DSCAM: variants seen among roughly 807,000 people sequenced by gnomAD.
DSCAM encodes cell adhesion molecule DSCAM.
In DSCAM, 47 loss-of-function variants were observed where a neutral mutation model predicts 217.7. The observed-to-expected ratio is 0.22, with a 90% CI of 0.17 to 0.28. The LOEUF (loss-of-function observed/expected upper bound fraction) is 0.28, where lower values mean the gene tolerates loss of function less well. Ranked by LOEUF, DSCAM falls within the 10% of genes least tolerant of loss-of-function variation. The pLI, the probability that DSCAM is intolerant of heterozygous loss-of-function variation, is 1.00. For synonymous variants in DSCAM, 1,056 were observed against 1,015.3 expected (o/e 1.04, Z -0.76); for missense variants, 2,080 against 2,618.3 (o/e 0.79, Z 4.49).
At chr21:40,053,382 G>A (rs1164612798) in intron 29 of DSCAM, among the ~76,000 whole-genome samples, 4 of 152,218 alleles carry the variant, frequency 2.6e-5, no homozygotes, top group African/African-American at 4.8e-5. Flanking sequence ...CACAGAGACA[G>A]CTTCCTACAA....
intron 3 of DSCAM, among the ~76,000 whole-genome samples, chr21:40,413,727 C>A (rs1016688330): frequency 6.6e-6 from 1 of 152,116 alleles, no homozygotes; most frequent in Non-Finnish European, 1.5e-5. Context: ...GTTACCTAAT[C>A]AAGACAGTAT....
At chr21:40,620,428 GA>G (rs1368698423) in intron 3 of DSCAM, among the ~76,000 whole-genome samples, 2 of 141,340 alleles carry the variant, frequency 1.4e-5, no homozygotes, top group Admixed American at 7.1e-5. Context: ...AGAGAAGAGG[GA>G]GGGGGAAGGG....
chr21:40,127,351 G>A (rs529069200), intron 19 of DSCAM, among the ~76,000 whole-genome samples: 5 of 152,248 alleles, frequency 3.3e-5, no homozygotes, highest in Non-Finnish European at 4.4e-5. Context: ...AGTAAAAAAC[G>A]GTATATGTCT....
intron 1 of DSCAM, among the ~76,000 whole-genome samples, chr21:40,718,616 G>T (rs2090868692): frequency 6.6e-6 from 1 of 151,954 alleles, no homozygotes; most frequent in Admixed American, 6.6e-5. Context: ...ACCTCCCACT[G>T]GGTCCCTCCC....
At chr21:40,793,976 G>A (rs910750467) in intron 1 of DSCAM, among the ~76,000 whole-genome samples, 5 of 152,040 alleles carry the variant, frequency 3.3e-5, no homozygotes, top group African/African-American at 4.8e-5. Context: ...AGTATTTTGC[G>A]TTTCTGATTT....
At chr21:40,232,793 G>A (rs1019902598) in intron 11 of DSCAM, among the ~76,000 whole-genome samples, 11 of 152,162 alleles carry the variant, frequency 7.2e-5, no homozygotes, top group African/African-American at 2.6e-4. Flanking sequence ...GTGATACTAA[G>A]CAGGACTTTT....
intron 1 of DSCAM, among the ~76,000 whole-genome samples, chr21:40,782,935 G>A (rs534639919): frequency 1.1e-4 from 17 of 152,320 alleles, no homozygotes; most frequent in Admixed American, 9.8e-4. Flanking sequence ...CCCTGAGGCG[G>A]ATCACATAGG....
chr21:40,170,407 G>A (rs2090644083), intron 15 of DSCAM, among the ~76,000 whole-genome samples: 2 of 152,248 alleles, frequency 1.3e-5, no homozygotes, highest in Non-Finnish European at 2.9e-5. Flanking sequence ...TGCTGAGCAT[G>A]CATCCCTCTC....
At chr21:40,312,643 G>A (rs918188670) in intron 8 of DSCAM, among the ~76,000 whole-genome samples, 6 of 152,176 alleles carry the variant, frequency 3.9e-5, no homozygotes, top group Admixed American at 3.3e-4. Flanking sequence ...TATCTGTAGT[G>A]TAAATAGTGT....
intron 3 of DSCAM, among the ~76,000 whole-genome samples, chr21:40,464,077 T>A (rs1293605473): frequency 6.6e-6 from 1 of 152,178 alleles, no homozygotes. Context: ...GGTAACCATA[T>A]CCATTTTCAT....
intron 20 of DSCAM, among the ~76,000 whole-genome samples, chr21:40,108,986 T>C (rs953060126): frequency 2.0e-5 from 3 of 152,174 alleles, no homozygotes; most frequent in East Asian, 3.9e-4. Context: ...TTACACGATA[T>C]ACAAAAATCA....
At chr21:40,745,454 C>T (rs1205818708) in intron 1 of DSCAM, among the ~76,000 whole-genome samples, 1 of 152,152 alleles carries the variant, frequency 6.6e-6, no homozygotes, top group Non-Finnish European at 1.5e-5. Flanking sequence ...CAAGTTTCAG[C>T]AGATTTCTCA....
intron 11 of DSCAM, among the ~76,000 whole-genome samples, chr21:40,227,420 C>A (rs898938232): frequency 4.6e-5 from 7 of 152,172 alleles, no homozygotes; most frequent in Non-Finnish European, 8.8e-5. Context: ...ATTTTTGTGG[C>A]CTGTCACAAG....
At chr21:40,266,391 C>T (rs1276478654) in intron 11 of DSCAM, among the ~76,000 whole-genome samples, 1 of 152,024 alleles carries the variant, frequency 6.6e-6, no homozygotes, top group Non-Finnish European at 1.5e-5. Flanking sequence ...AACACTTACA[C>T]ACTGCTGGTG....
intron 27 of DSCAM, among the ~76,000 whole-genome samples, chr21:40,071,230 C>T (rs1166697602): frequency 6.6e-6 from 1 of 152,008 alleles, no homozygotes. Flanking sequence ...AAAACCAGGG[C>T]ATCATTAAAA....
At chr21:40,618,599 G>A (rs1280867430) in intron 3 of DSCAM, 1 of 151,906 alleles carries the variant, frequency 6.6e-6, no homozygotes, top group Admixed American at 6.6e-5. Flanking sequence ...AAGTCAGAGG[G>A]TAGATATAAA....
intron 26 of DSCAM, among the ~76,000 whole-genome samples, chr21:40,078,247 C>T (rs994122132): frequency 6.6e-6 from 1 of 152,182 alleles, no homozygotes; most frequent in African/African-American, 2.4e-5. Flanking sequence ...ACATAAGCTC[C>T]TTTACCATGG....
intron 4 of DSCAM, among the ~76,000 whole-genome samples, chr21:40,357,084 A>G (rs2074701731): frequency 6.6e-6 from 1 of 152,154 alleles, no homozygotes; most frequent in African/African-American, 2.4e-5. Context: ...TTCTTCATTA[A>G]CTGAAGAATT....
chr21:40,693,650 C>T (rs1373871585), intron 2 of DSCAM, among the ~76,000 whole-genome samples: 1 of 151,942 alleles, frequency 6.6e-6, no homozygotes, highest in Admixed American at 6.6e-5. Context: ...TCTGGGAAGC[C>T]TTGAGAACTC....
Sources: allele counts gnomAD v4.1 joint callset (sites outside exome capture counted in the v4.1 genomes callset), GRCh38; gene constraint gnomAD v4.1.1; transcripts MANE v1.5; gene names NCBI Gene and HGNC (gene_info 2026-07-23, HGNC 2026-07-21).